The following SCN2B variants were observed in gnomAD, a reference collection of about 807,000 sequenced individuals.
SCN2B encodes the protein sodium voltage-gated channel beta subunit 2.
SCN2B carries 14 observed loss-of-function variants against 18.2 expected under a neutral mutation model. That is an observed-to-expected ratio of 0.77 (90% CI 0.51 to 1.21). SCN2B has a LOEUF of 1.21. SCN2B is among the 50% of genes most tolerant of loss of function. The pLI, the probability that SCN2B is intolerant of heterozygous loss-of-function variation, is 0.00. For synonymous variants in SCN2B, 115 were observed against 115.3 expected (o/e 1.00, Z 0.02); for missense variants, 262 against 286.9 (o/e 0.91, Z 0.63).
intron 1 of SCN2B, among the ~76,000 whole-genome samples, chr11:118,171,904 C>T (rs1350693606): frequency 6.6e-6 from 1 of 152,210 alleles, no homozygotes; most frequent in African/African-American, 2.4e-5. Context: ...GATCTAGCCC[C>T]ATTGTTTTAC....
At chr11:118,171,598 A>G (rs1190687207) in intron 1 of SCN2B, among the ~76,000 whole-genome samples, 1 of 152,216 alleles carries the variant, frequency 6.6e-6, no homozygotes, top group East Asian at 1.9e-4. Context: ...CACCAAGCCC[A>G]AGGCAGTGCT....
chr11:118,171,344 A>G (rs983192091), intron 1 of SCN2B, among the ~76,000 whole-genome samples: 8 of 152,214 alleles, frequency 5.3e-5, no homozygotes, highest in African/African-American at 1.9e-4. Context: ...TTCTGAAAGC[A>G]TCTGGCAGCG....
chr11:118,174,173 C>T (rs1200467524), intron 1 of SCN2B, among the ~76,000 whole-genome samples: 2 of 127,440 alleles, frequency 1.6e-5, no homozygotes, highest in African/African-American at 3.0e-5. Flanking sequence ...TTCCTGGCCT[C>T]AAGCGATCCT....
rs1179232534 is a variant in SCN2B, at chr11:118,168,312, G to A, written c.238-17C>T. On this transcript the variant is annotated splice_polypyrimidine_tract_variant and intron_variant, in intron 2 of 3. Coordinates refer to ENST00000278947, the MANE Select transcript of SCN2B (RefSeq NM_004588.5). The surrounding 1 kb of genome is among the most constrained non-coding windows in gnomAD (Gnocchi z 4.7). ...CTGGAGGAACTGGGGTTGGAGCAAG[G>A]GACAGGATGGGTGGCTGGATGAGCA... The A allele has an allele frequency of 6.2e-7, 1 of 1,606,582 alleles. No homozygotes were observed.
At chr11:118,173,804 A>G (rs1307201336) in intron 1 of SCN2B, among the ~76,000 whole-genome samples, 1 of 152,122 alleles carries the variant, frequency 6.6e-6, no homozygotes, top group Non-Finnish European at 1.5e-5. Context: ...GGACTCAATA[A>G]AGTCTACTAA....
intron 1 of SCN2B, among the ~76,000 whole-genome samples, chr11:118,172,082 A>G (rs1698823190): frequency 1.3e-5 from 2 of 152,202 alleles, no homozygotes; most frequent in African/African-American, 4.8e-5. Context: ...CCGGGCCCTC[A>G]TTAAAGACGA....
rs1948353514 is a variant in SCN2B at position 118,163,825 on chromosome 11, G to A, written c.*3062C>T. 1 of 152,280 alleles carries A rather than the reference G, an allele frequency of 6.6e-6. No homozygotes were observed. Among genetic ancestry groups the A allele is most frequent in the Non-Finnish European group, 1.5e-5 (1 of 68,056 alleles). 9.4% of individuals were successfully genotyped at this position (152,280 alleles called of 1,614,324 possible). A position where few individuals can be genotyped will look rare whatever the true frequency, so the allele number is the denominator to read the frequency against. ...ACTTGTCAGCATAAGTTAGGAAACAGGGTAGGGAAATGGCTGCTGTGGAAA... is the reference window on the plus strand; with the variant it reads ...ACTTGTCAGCATAAGTTAGGAAACAAGGTAGGGAAATGGCTGCTGTGGAAA... On this transcript the variant is annotated 3_prime_UTR_variant, in exon 4 of 4. Coordinates refer to ENST00000278947, the MANE Select transcript of SCN2B (RefSeq NM_004588.5).
In SCN2B at chr11:118,171,847, G is replaced by A. The variant is rs147089470; in HGVS notation, c.71-3096C>T. On this transcript the variant is annotated intron_variant, in intron 1 of 3. Transcript: ENST00000278947. ...AACGTCAAGTTCCATCCTGCGGAGC[G>A]AGCATGGGATCCGGAGCCACAGCTG... Among the ~76,000 whole-genome samples, 11 of 152,334 alleles carry A rather than the reference G, an allele frequency of 7.2e-5. No homozygotes were observed. In the East Asian group the frequency reaches 1.2e-3, roughly 16 times the overall value.
chr11:118,163,583 A>G lies in SCN2B; in HGVS notation c.*3304T>C, dbSNP rs1266089619. Reference sequence around the variant, plus strand: ...TCCTGAATAATTGTGCTTTGTTCTTATAAGCTAAATCCCATGGGTTAGCCA... The same window carrying G: ...TCCTGAATAATTGTGCTTTGTTCTTGTAAGCTAAATCCCATGGGTTAGCCA... On this transcript the variant is annotated 3_prime_UTR_variant, in exon 4 of 4. Transcript: ENST00000278947. The G allele has an allele frequency of 6.6e-6, 1 of 152,634 alleles. No homozygotes were observed. The highest frequency in any genetic ancestry group is 2.4e-5 in the African/African-American group (1 of 41,438). 9.5% of individuals were successfully genotyped at this position (152,634 alleles called of 1,614,324 possible). A position where few individuals can be genotyped will look rare whatever the true frequency, so the allele number is the denominator to read the frequency against.
At chr11:118,169,986 C>T (rs188451081) in intron 1 of SCN2B, among the ~76,000 whole-genome samples, 35 of 152,310 alleles carry the variant, frequency 2.3e-4, no homozygotes, top group Non-Finnish European at 2.6e-4. Context: ...ATGCTCTGCC[C>T]GTATCCTCAA....
At chr11:118,175,136 C>T (rs986872883) in intron 1 of SCN2B, among the ~76,000 whole-genome samples, 2 of 152,192 alleles carry the variant, frequency 1.3e-5, no homozygotes, top group Non-Finnish European at 2.9e-5. Flanking sequence ...CCTGGGCTCA[C>T]GAAAAGCATT....
intron 1 of SCN2B, among the ~76,000 whole-genome samples, chr11:118,175,049 A>T (rs535623122): frequency 1.3e-5 from 2 of 152,334 alleles, no homozygotes; most frequent in African/African-American, 4.8e-5. Flanking sequence ...TACCATAGTC[A>T]TCTGTTTCCT....
At chr11:118,175,245 G>A (rs548814709) in intron 1 of SCN2B, among the ~76,000 whole-genome samples, 1 of 152,348 alleles carries the variant, frequency 6.6e-6, no homozygotes, top group African/African-American at 2.4e-5. Flanking sequence ...CTGAAGCTCA[G>A]AGGGGTTGAG....
At position 118,166,442 on chromosome 11, in the gene SCN2B, G is replaced by A. The variant is rs75595194; in HGVS notation, c.*445C>T. 0.02 allele frequency: 5,158 copies of A among 252,306 alleles called. 269 individuals carry two copies. The highest frequency in any genetic ancestry group is 0.11 in the African/African-American group (4,819 of 44,618). The allele number at this position is 252,306 out of a possible 1,614,324, so 15.6% of individuals were successfully genotyped here. A position where few individuals can be genotyped will look rare whatever the true frequency, so the allele number is the denominator to read the frequency against. The stretch of plus-strand genomic sequence containing the variant: ...CTGGGAGCAGGGGAGGAGCACAGCC[G>A]TGCCAGGCCAAGGCCCTCCTGAGGG... On this transcript the variant is annotated 3_prime_UTR_variant, in exon 4 of 4. Coordinates refer to ENST00000278947, the MANE Select transcript of SCN2B (RefSeq NM_004588.5).
intron 3 of SCN2B, among the ~76,000 whole-genome samples, chr11:118,167,697 T>C (rs1398718684): frequency 6.6e-6 from 1 of 152,042 alleles, no homozygotes; most frequent in Non-Finnish European, 1.5e-5. Context: ...GCTGGGAGTA[T>C]AGGTGCAAGC....
At chr11:118,171,753 C>T (rs1948432985) in intron 1 of SCN2B, among the ~76,000 whole-genome samples, 1 of 152,246 alleles carries the variant, frequency 6.6e-6, no homozygotes, top group African/African-American at 2.4e-5. Flanking sequence ...TCCCCCTCCC[C>T]ACCCTGCAGC....
chr11:118,169,104 T>C (rs977935718), intron 1 of SCN2B, among the ~76,000 whole-genome samples: 14 of 152,202 alleles, frequency 9.2e-5, no homozygotes, highest in South Asian at 2.1e-4. Context: ...CCCCAGTCCA[T>C]ACTCCTGGAG....
At chr11:118,171,586 C>G (rs916870611) in intron 1 of SCN2B, among the ~76,000 whole-genome samples, 1 of 152,252 alleles carries the variant, frequency 6.6e-6, no homozygotes, top group Non-Finnish European at 1.5e-5. Flanking sequence ...GCCTCTGCCC[C>G]CCACCAAGCC....
rs1324432969 is a variant in SCN2B, at chr11:118,164,690, T to A, written c.*2197A>T. The A allele has an allele frequency of 6.5e-6, 1 of 152,702 alleles. No homozygotes were observed. The allele number at this position is 152,702 out of a possible 1,614,324, so 9.5% of individuals were successfully genotyped here. ...GAAGCAGTGTCTTGCAGAGGTGGAATTAGATGCACCAAAAAGTTAATCTTG... is the reference window on the plus strand; with the variant it reads ...GAAGCAGTGTCTTGCAGAGGTGGAAATAGATGCACCAAAAAGTTAATCTTG... On this transcript the variant is annotated 3_prime_UTR_variant, in exon 4 of 4. Transcript: ENST00000278947.
Sources: gnomAD v4.1 joint callset for allele counts (sites outside exome capture counted in the v4.1 genomes callset) on GRCh38, gnomAD v4.1.1 for gene constraint, Gnocchi (gnomAD v3.1) non-coding constraint, MANE v1.5 for transcripts, NCBI Gene and HGNC (gene_info 2026-07-23, HGNC 2026-07-21) for gene names.